The following ERBB4 variants were observed in gnomAD, a reference collection of about 807,000 sequenced individuals.
The protein encoded by ERBB4 is receptor tyrosine-protein kinase erbB-4.
ERBB4 carries 42 observed loss-of-function variants against 158.0 expected under a neutral mutation model. The observed-to-expected ratio is 0.27, with a 90% CI of 0.21 to 0.34. The LOEUF (loss-of-function observed/expected upper bound fraction) is 0.34. ERBB4 is among the 10% of genes least tolerant of loss of function. The probability of loss-of-function intolerance (pLI) is 1.00; values close to 1 mark genes in which losing one functional copy is unlikely to be tolerated. For missense variants in ERBB4, 1,333 were observed against 1,624.1 expected, an observed-to-expected ratio of 0.82 and a Z score of 3.08; for synonymous variants, 583 against 558.7, an observed-to-expected ratio of 1.04 and a Z score of -0.61.
chr2:211,908,831 A>C (rs1223037679), intron 3 of ERBB4, among the ~76,000 whole-genome samples: 1 of 151,766 alleles, frequency 6.6e-6, no homozygotes, highest in Non-Finnish European at 1.5e-5. Flanking sequence ...CCAGAAGCAT[A>C]TGAACAGCAT....
chr2:212,098,356 G>A (rs564905842), intron 2 of ERBB4, among the ~76,000 whole-genome samples: 12 of 152,312 alleles, frequency 7.9e-5, no homozygotes, highest in Non-Finnish European at 1.5e-4. Context: ...TAATCTGTTT[G>A]AGGAAAGGCA....
intron 3 of ERBB4, among the ~76,000 whole-genome samples, chr2:211,819,744 T>C (rs1490917373): frequency 2.8e-4 from 42 of 151,670 alleles, no homozygotes; most frequent in Admixed American, 2.4e-3. Flanking sequence ...TTGGAAGCAA[T>C]GCTAAGAAAG....
At chr2:211,541,920 C>T (rs571446526) in intron 20 of ERBB4, among the ~76,000 whole-genome samples, 48 of 152,036 alleles carry the variant, frequency 3.2e-4, no homozygotes, top group Non-Finnish European at 3.4e-4. Flanking sequence ...GTATTATCAC[C>T]ACTCAAAAAT....
At chr2:211,884,431 C>A (rs2078742737) in intron 3 of ERBB4, among the ~76,000 whole-genome samples, 1 of 152,082 alleles carries the variant, frequency 6.6e-6, no homozygotes, top group Non-Finnish European at 1.5e-5. Context: ...AAAGTAATGT[C>A]TTACTTTTAT....
At chr2:212,147,959 A>T (rs1445673600) in intron 1 of ERBB4, among the ~76,000 whole-genome samples, 1 of 152,110 alleles carries the variant, frequency 6.6e-6, no homozygotes, top group African/African-American at 2.4e-5. Flanking sequence ...TTGGCCTAAT[A>T]ATCACTGTAA....
At chr2:212,415,935 T>C (rs2091639181) in intron 1 of ERBB4, among the ~76,000 whole-genome samples, 1 of 152,118 alleles carries the variant, frequency 6.6e-6, no homozygotes, top group Non-Finnish European at 1.5e-5. Context: ...AGCTACAAAA[T>C]TTGTGGAACT....
intron 1 of ERBB4, among the ~76,000 whole-genome samples, chr2:212,483,849 G>A (rs1379565524): frequency 1.3e-5 from 2 of 152,130 alleles, no homozygotes; most frequent in East Asian, 1.9e-4. Flanking sequence ...CCATTCTCCT[G>A]CCTCAGCCTC....
intron 2 of ERBB4, among the ~76,000 whole-genome samples, chr2:212,001,621 C>T (rs2076107642): frequency 6.6e-6 from 1 of 152,142 alleles, no homozygotes; most frequent in Admixed American, 6.5e-5. Context: ...TACAGCATAG[C>T]TTGAATGAGA....
intron 4 of ERBB4, 46 bp from the exon 5 acceptor site, chr2:211,750,750 T>C: frequency 6.6e-7 from 1 of 1,519,974 alleles, no homozygotes. Flanking sequence ...TTATAATCTT[T>C]CACTCCTTGA....
At chr2:212,041,281 GT>G (rs1369398711) in intron 2 of ERBB4, among the ~76,000 whole-genome samples, 1 of 151,720 alleles carries the variant, frequency 6.6e-6, no homozygotes, top group Non-Finnish European at 1.5e-5. Context: ...AGTTGTTGCT[GT>G]TTTTTTTCAT....
At chr2:212,061,945 G>A (rs12990998) in intron 2 of ERBB4, among the ~76,000 whole-genome samples, 1 of 151,780 alleles carries the variant, frequency 6.6e-6, no homozygotes, top group South Asian at 2.1e-4. Context: ...ATGTTGGTCA[G>A]ACTGGTCTTG....
At chr2:212,346,626 G>GA (rs2089015448) in intron 1 of ERBB4, among the ~76,000 whole-genome samples, 1 of 151,682 alleles carries the variant, frequency 6.6e-6, no homozygotes. Flanking sequence ...ACCATCATGC[G>GA]AAAAAATATT....
intron 5 of ERBB4, among the ~76,000 whole-genome samples, chr2:211,738,158 C>T (rs1418040355): frequency 6.6e-6 from 1 of 151,898 alleles, no homozygotes; most frequent in Non-Finnish European, 1.5e-5. Flanking sequence ...GATACTGTTC[C>T]AAGCTCATAC....
chr2:212,411,115 A>G (rs1433676755), intron 1 of ERBB4, among the ~76,000 whole-genome samples: 2 of 152,172 alleles, frequency 1.3e-5, no homozygotes, highest in African/African-American at 4.8e-5. Flanking sequence ...AAGTTGAAGT[A>G]ATACAATGTC....
intron 20 of ERBB4, among the ~76,000 whole-genome samples, chr2:211,440,192 C>T (rs920624764): frequency 4.6e-5 from 7 of 152,174 alleles, no homozygotes; most frequent in African/African-American, 1.4e-4. Flanking sequence ...TCCCATTGAT[C>T]TCTTGCCAAT....
intron 1 of ERBB4, among the ~76,000 whole-genome samples, chr2:212,324,270 T>C (rs1257837656): frequency 6.6e-6 from 1 of 150,614 alleles, no homozygotes; most frequent in Non-Finnish European, 1.5e-5. Context: ...TTATATTAAA[T>C]AAGAAATTAC....
intron 25 of ERBB4, among the ~76,000 whole-genome samples, chr2:211,401,996 T>C (rs2063053220): frequency 6.6e-6 from 1 of 151,752 alleles, no homozygotes; most frequent in South Asian, 2.1e-4. Context: ...AAGAAAATTA[T>C]TAAGCCAGGG....
chr2:212,537,467 C>T (rs1028196065), intron 1 of ERBB4, among the ~76,000 whole-genome samples: 2 of 152,086 alleles, frequency 1.3e-5, no homozygotes, highest in African/African-American at 4.8e-5. Context: ...CGTGGCGGGC[C>T]AGCCCCGCCG....
intron 1 of ERBB4, among the ~76,000 whole-genome samples, chr2:212,448,373 G>C (rs2106010422): frequency 6.6e-6 from 1 of 152,260 alleles, no homozygotes; most frequent in South Asian, 2.1e-4. Context: ...CTGTTTGAAA[G>C]ATTCATTTCG....
Sources: allele counts gnomAD v4.1 joint callset (sites outside exome capture counted in the v4.1 genomes callset), GRCh38; gene constraint gnomAD v4.1.1; transcripts MANE v1.5; gene names NCBI Gene and HGNC (gene_info 2026-07-23, HGNC 2026-07-21).